The following HERC2 variants were observed in gnomAD, a reference collection of about 807,000 sequenced individuals.
HERC2 encodes the protein HECT and RLD domain containing E3 ubiquitin protein ligase 2.
Under a neutral mutation model 537.7 loss-of-function variants are expected in HERC2, and 102 were observed. The observed-to-expected ratio is 0.19, with a 90% CI of 0.16 to 0.22. HERC2 has a LOEUF of 0.22. Among genes scored for constraint, HERC2 ranks in the 10% least tolerant of loss-of-function variants. HERC2 has a pLI of 1.00. For missense variants in HERC2, 4,236 were observed against 6,198.2 expected (o/e 0.68, Z 10.63); for synonymous variants, 2,224 against 2,466.2 (o/e 0.90, Z 2.91).
chr15:28,320,413 C>G (rs1199219698), intron 2 of HERC2: 3 of 152,492 alleles, frequency 2.0e-5, no homozygotes, highest in Admixed American at 6.5e-5. Flanking sequence ...TGCGCCCGGC[C>G]ACGCAACACA....
At position 28,113,828 on chromosome 15, in the gene HERC2, C is replaced by CACTGCA; in HGVS notation, c.13914-151_13914-150insTGCAGT. ...CTCCAGATGGCATGAGCATGCTTAG[C>CACTGCA]AGCTCGGCACTGCAGAGCTTCTCCT... is the stretch of plus-strand genomic sequence containing the variant. On this transcript the variant is annotated intron_variant, in intron 90 of 92. Transcript: ENST00000261609. This position sits in a 1 kb window ranked among gnomAD's most constrained non-coding sequence, Gnocchi z 7.0. 1 of 661,384 alleles carries CACTGCA rather than the reference C, an allele frequency of 1.5e-6. No homozygotes were observed. The highest frequency in any genetic ancestry group is 1.7e-5 in the South Asian group (1 of 57,338). 41.0% of individuals were successfully genotyped at this position (661,384 alleles called of 1,614,324 possible).
chr15:28,115,196 G>A, intron 89 of HERC2: 1 of 522,770 alleles, frequency 1.9e-6, no homozygotes, highest in South Asian at 3.0e-5. Flanking sequence ...CTTCACAGGG[G>A]AGGCAGTGAG....
intron 35 of HERC2, among the ~76,000 whole-genome samples, chr15:28,227,833 T>C (rs1445638669): frequency 6.6e-6 from 1 of 152,166 alleles, no homozygotes. Context: ...TACTGATATA[T>C]ACCAAATGAA....
Position 28,257,148 on chromosome 15 carries a change from A to G in HERC2, c.2430T>C (p.Ser810=). The G allele has an allele frequency of 6.2e-7, 1 of 1,613,646 alleles. No homozygotes were observed. The highest frequency in any genetic ancestry group is 1.1e-5 in the South Asian group (1 of 91,074). Residue 810 remains serine (S), a synonymous_variant, in exon 17 of 93, where the codon AGT becomes AGC. Transcript: ENST00000261609. ...AGTCCGCGGAACCATCCATCCCCTC[A>G]CTCACCTGCCGAAGCAGGAGATCCA... ...EQLDLLLRQV[S]EGMDGSADWP...
intron 2 of HERC2, among the ~76,000 whole-genome samples, chr15:28,309,680 G>A (rs1454519070): frequency 2.6e-5 from 4 of 151,832 alleles, no homozygotes; most frequent in African/African-American, 9.7e-5. Context: ...AGATGACAGC[G>A]TGCCCTAGCC....
chr15:28,124,068 G>A lies in HERC2; in HGVS notation c.13157C>T (p.Thr4386Ile), dbSNP rs374904521. The A allele has an allele frequency of 2.5e-6, 4 of 1,604,220 alleles. No individual in the cohort carries two copies. In the African/African-American group the frequency reaches 5.4e-5, roughly 22 times the overall value. The change falls in exon 85 of 93, where the codon ACT (threonine) becomes ATT (isoleucine). Residue 4386 changes from threonine to isoleucine, a missense_variant. By Grantham distance (89) the Thr-to-Ile change is moderately conservative. Transcript: ENST00000261609. The stretch of plus-strand genomic sequence containing the variant: ...CTGGGATATCAGAATTCCTCGGAGA[G>A]TGTCGAACCCAACAGAAGGCCCGAG... ...TGLGPSVGFD[T>I]LRGILISQGK...
In HERC2 at chr15:28,144,114, C is replaced by A. The variant is rs555809688; in HGVS notation, c.11262G>T (p.Ala3754=). The A allele has an allele frequency of 1.2e-6, 2 of 1,614,144 alleles. No individual in the cohort carries two copies. Among genetic ancestry groups the A allele is most frequent in the Admixed American group, 3.3e-5 (2 of 60,026 alleles). The change falls in exon 73 of 93, where the codon GCG becomes GCT. Residue 3754 remains alanine, a synonymous_variant. Transcript: ENST00000261609. ...GCTGTGCACAAGCTGCCAGCGAGGC[C>A]GCAAGGCGAGGGACGATGCTTCTGT... is the stretch of plus-strand genomic sequence containing the variant. The part of the protein sequence containing the change: ...ASNRSIVPRL[A]ASLAACAQLS...
At chr15:28,263,499 C>G (rs1217257972) in intron 14 of HERC2, among the ~76,000 whole-genome samples, 1 of 152,188 alleles carries the variant, frequency 6.6e-6, no homozygotes, top group Non-Finnish European at 1.5e-5. Context: ...TGGGGCCTGG[C>G]ACATTGCAGA....
chr15:28,230,630 G>C (rs1283861418), intron 30 of HERC2, 130 bp from the exon 31 acceptor site: 3 of 622,876 alleles, frequency 4.8e-6, no homozygotes, highest in Non-Finnish European at 8.3e-6. Flanking sequence ...ATTATAAATT[G>C]CAATGCTCAA....
At chr15:28,115,192 A>AG in intron 89 of HERC2, 1 of 515,122 alleles carries the variant, frequency 1.9e-6, no homozygotes. Context: ...GCTTCTTCAC[A>AG]GGGGAGGCAG....
At chr15:28,305,827 T>G (rs2076771098) in intron 2 of HERC2, among the ~76,000 whole-genome samples, 1 of 149,226 alleles carries the variant, frequency 6.7e-6, no homozygotes, top group African/African-American at 2.5e-5. Context: ...CAAACAAATT[T>G]ACAAGAAAAA....
chr15:28,316,290 T>C (rs2141310867), intron 2 of HERC2, among the ~76,000 whole-genome samples: 1 of 152,088 alleles, frequency 6.6e-6, no homozygotes, highest in East Asian at 1.9e-4. Flanking sequence ...TTTTCCTTTT[T>C]TTTTAATAAC....
chr15:28,217,133 TCCTC>T (rs1900009657), intron 38 of HERC2, among the ~76,000 whole-genome samples: 1 of 152,122 alleles, frequency 6.6e-6, no homozygotes, highest in Admixed American at 6.6e-5. Context: ...CACTCATACT[TCCTC>T]ACACTCACCA....
At chr15:28,250,425 G>A (rs1596322861) in intron 20 of HERC2, among the ~76,000 whole-genome samples, 1 of 152,144 alleles carries the variant, frequency 6.6e-6, no homozygotes, top group African/African-American at 2.4e-5. Flanking sequence ...ACCTGAAGGA[G>A]CAAGAGACGG....
intron 69 of HERC2, among the ~76,000 whole-genome samples, chr15:28,155,632 C>G (rs10163086): frequency 0.097 from 14,062 of 144,794 alleles, 3,005 homozygotes; most frequent in African/African-American, 0.38. Flanking sequence ...TTGTAAATTT[C>G]TTTGAGTTCT....
rs755276761 is a variant in HERC2, at chr15:28,292,874, AT to A, written c.322+13del. On this transcript the variant is annotated intron_variant, in intron 4 of 92. Coordinates refer to ENST00000261609, the MANE Select transcript of HERC2 (RefSeq NM_004667.6). ...AGATCAACCTTTCCAAAGTGCCAAA[AT>A]TCACAAGATTACCTGGTTGCTTGCC... 29 of 1,607,520 alleles carry A rather than the reference AT, an allele frequency of 1.8e-5. No homozygotes were observed. The highest frequency in any genetic ancestry group is 5.1e-5 in the Admixed American group (3 of 58,966).
At chr15:28,275,608 A>G (rs1002899364) in intron 5 of HERC2, among the ~76,000 whole-genome samples, 1 of 152,182 alleles carries the variant, frequency 6.6e-6, no homozygotes, top group Non-Finnish European at 1.5e-5. Context: ...AAGGTTATGC[A>G]TATGGTACAC....
rs774531260 is a variant in HERC2, at chr15:28,229,491, G to C, written c.5089C>G (p.Gln1697Glu). ...TCGATTCCCTCAGGAATAAGTCTTT[G>C]CCATCCACAAAACATCGCATACTGC... is the stretch of plus-strand genomic sequence containing the variant. ...SVQYAMFCGWQRLIPEGIDIG... is the reference protein window; with the variant it reads ...SVQYAMFCGWERLIPEGIDIG... The change falls in exon 33 of 93, where the codon CAA becomes GAA. Residue 1697 changes from glutamine (Q) to glutamate (E), a missense_variant. Gln to Glu is a conservative substitution (Grantham distance 29). This residue lies in a region of HERC2 where 343 missense variants were observed against 417.2 expected (regional missense o/e 0.82). Transcript: ENST00000261609. 58 of 1,613,660 alleles carry C rather than the reference G, an allele frequency of 3.6e-5. No homozygotes were observed. The highest frequency in any genetic ancestry group is 4.6e-5 in the Non-Finnish European group (54 of 1,179,732).
intron 69 of HERC2, among the ~76,000 whole-genome samples, chr15:28,159,715 G>C (rs562887395): frequency 2.4e-4 from 36 of 152,312 alleles, no homozygotes; most frequent in African/African-American, 8.4e-4. Context: ...ATCGTCTGAA[G>C]CCTTCCTCTC....
Sources: gnomAD v4.1 joint callset for allele counts (sites outside exome capture counted in the v4.1 genomes callset) on GRCh38, gnomAD v4.1.1 for gene constraint, gnomAD v4.1.1 regional missense constraint, Gnocchi (gnomAD v3.1) non-coding constraint, MANE v1.5 for transcripts, NCBI Gene and HGNC (gene_info 2026-07-23, HGNC 2026-07-21) for gene names.